Variants in ADAT1 observed in about 807,000 individuals in gnomAD.
The protein encoded by ADAT1 is tRNA-specific adenosine deaminase 1.
A neutral mutation model predicts 58.6 loss-of-function variants in ADAT1; 58 were observed. That is an observed-to-expected ratio of 0.99 (90% CI 0.80 to 1.23). ADAT1 has a LOEUF of 1.23. Ranked by LOEUF, ADAT1 falls within the 50% of genes most tolerant of loss-of-function variation. The pLI, the probability that ADAT1 is intolerant of heterozygous loss-of-function variation, is 0.00. For missense variants in ADAT1, 741 were observed against 608.6 expected (o/e 1.22, Z -2.29); for synonymous variants, 254 against 220.8 (o/e 1.15, Z -1.33).
At position 75,608,902 on chromosome 16, in the gene ADAT1, C is replaced by A. The variant is rs548075294; in HGVS notation, c.1130G>T (p.Arg377Leu). Reference protein sequence around the residue: ...LQSDLLFEQSRSAVQAKRADS... With the variant: ...LQSDLLFEQSLSAVQAKRADS... ...AGCCCTTTTTGCCTGCACCGCACTG[C>A]GGCTCTGTTCAAATAGTAAATCTGA... The change falls in exon 7 of 10, where the codon CGC becomes CTC. Residue 377 changes from arginine (R) to leucine (L), a missense_variant. Coordinates refer to ENST00000564657, the MANE Select transcript of ADAT1 (RefSeq NM_001324445.2). The A allele has an allele frequency of 6.2e-7, 1 of 1,614,216 alleles. No individual in the cohort carries two copies. Among genetic ancestry groups the A allele is most frequent in the South Asian group, 1.1e-5 (1 of 91,080 alleles).
intron 6 of ADAT1, among the ~76,000 whole-genome samples, chr16:75,610,278 T>G (rs1056984610): frequency 6.6e-6 from 1 of 152,192 alleles, no homozygotes; most frequent in Non-Finnish European, 1.5e-5. Flanking sequence ...ATGTACAGGT[T>G]TTTGTTATAT....
chr16:75,612,557 G>T lies in ADAT1; in HGVS notation c.729C>A (p.Val243=), dbSNP rs2081577622. ...TGGCACTACCAGGGGCTATTCTGGT[G>T]ACAGTAGCCAGTCCCTCTACAGTGA... ...CDLTVEGLAT[V]TRIAPGSAKV... is the part of the protein sequence containing the mutation. The change falls in exon 6 of 10, where the codon GTC becomes GTA. Residue 243 remains valine (V), a synonymous_variant. Transcript: ENST00000564657. The T allele has an allele frequency of 6.2e-7, 1 of 1,614,124 alleles. No individual in the cohort carries two copies. Among genetic ancestry groups the T allele is most frequent in the Non-Finnish European group, 8.5e-7 (1 of 1,180,030 alleles).
In ADAT1 at chr16:75,617,286, G is replaced by C. The variant is rs1216115269; in HGVS notation, c.294-14C>G. 2 of 1,609,226 alleles carry C rather than the reference G, an allele frequency of 1.2e-6. No individual in the cohort carries two copies. Among genetic ancestry groups the C allele is most frequent in the African/African-American group, 1.3e-5 (1 of 74,850 alleles). Reference sequence around the variant, plus strand: ...TGGAGAAGGTACCTAAGGGTTGCAAGATGTTATTAGGATGAACAACCGATC... The same window carrying C: ...TGGAGAAGGTACCTAAGGGTTGCAACATGTTATTAGGATGAACAACCGATC... On this transcript the variant is annotated splice_polypyrimidine_tract_variant and intron_variant, in intron 4 of 9. Coordinates refer to ENST00000564657, the MANE Select transcript of ADAT1 (RefSeq NM_001324445.2).
At chr16:75,609,848 C>G (rs1597111094) in intron 6 of ADAT1, among the ~76,000 whole-genome samples, 2 of 152,062 alleles carry the variant, frequency 1.3e-5, no homozygotes, top group African/African-American at 4.8e-5. Context: ...AGACTACAGG[C>G]ATGCACCATC....
chr16:75,599,243 G>A lies in ADAT1; in HGVS notation c.*973C>T, dbSNP rs749042749. 5.3e-5 allele frequency: 44 copies of A among 830,900 alleles called. No homozygotes were observed. The East Asian group carries it at 6.2e-4, about 12-fold the overall frequency. 51.5% of individuals were successfully genotyped at this position (830,900 alleles called of 1,614,324 possible). On this transcript the variant is annotated 3_prime_UTR_variant, in exon 10 of 10. Transcript: ENST00000564657. Reference sequence around the variant, plus strand: ...ATTACAGGTGTGCGCCACCATGCCCGGCTAGTTTTTGCATTTTTAGTAGAG... The same window carrying A: ...ATTACAGGTGTGCGCCACCATGCCCAGCTAGTTTTTGCATTTTTAGTAGAG...
At chr16:75,615,611 C>T (rs981886269) in intron 5 of ADAT1, among the ~76,000 whole-genome samples, 11 of 151,212 alleles carry the variant, frequency 7.3e-5, no homozygotes, top group Admixed American at 2.0e-4. Context: ...CCAGGCAGGC[C>T]GTGGGTTAGA....
intron 5 of ADAT1, among the ~76,000 whole-genome samples, chr16:75,613,348 C>A (rs568504514): frequency 1.3e-5 from 2 of 152,306 alleles, no homozygotes; most frequent in East Asian, 3.9e-4. Flanking sequence ...GTTGCCCAGG[C>A]TGGAGTGCAG....
chr16:75,614,420 C>T (rs2081642735), intron 5 of ADAT1, among the ~76,000 whole-genome samples: 1 of 152,202 alleles, frequency 6.6e-6, no homozygotes, highest in Non-Finnish European at 1.5e-5. Flanking sequence ...ACAGCTCTCC[C>T]TTGAGAAGCG....
rs1318904774 is a variant in ADAT1, at chr16:75,612,649, C to G, written c.637G>C (p.Ala213Pro). The change falls in exon 6 of 10, where the codon GCT (alanine) becomes CCT (proline). Residue 213 changes from alanine to proline, a missense_variant. Coordinates refer to ENST00000564657, the MANE Select transcript of ADAT1 (RefSeq NM_001324445.2). ...TAAREVTNGA[A>P]HHQSFGKQKS... is the part of the protein sequence containing the mutation. ...TGCTTGCCAAAACTCTGATGGTGAG[C>G]TGCTCCGTTGGTGACCTCCCTGGCT... 1 of 1,613,992 alleles carries G rather than the reference C, an allele frequency of 6.2e-7. No homozygotes were observed. The highest frequency in any genetic ancestry group is 1.3e-5 in the African/African-American group (1 of 74,910).
chr16:75,604,472 TATACACACAC>T (rs1286050410), intron 8 of ADAT1, among the ~76,000 whole-genome samples: 1 of 54,342 alleles, frequency 1.8e-5, no homozygotes, highest in Admixed American at 2.8e-4. Context: ...TATATATATA[TATACACACAC>T]ACACACACAC....
intron 3 of ADAT1, 87 bp from the exon 4 acceptor site, chr16:75,618,727 G>T: frequency 6.7e-7 from 1 of 1,500,040 alleles, no homozygotes; most frequent in Non-Finnish European, 9.0e-7. Context: ...AGTCCCACCA[G>T]CACCCAGGAT....
At chr16:75,620,368 G>C (rs779769653) in intron 2 of ADAT1, 34 bp from the exon 3 acceptor site, 3 of 1,607,634 alleles carry the variant, frequency 1.9e-6, no homozygotes, top group East Asian at 2.2e-5. Flanking sequence ...TGAGTTCTGA[G>C]AAACGGAATG....
At chr16:75,610,707 G>A (rs1396637680) in intron 6 of ADAT1, among the ~76,000 whole-genome samples, 1 of 152,264 alleles carries the variant, frequency 6.6e-6, no homozygotes, top group East Asian at 1.9e-4. Flanking sequence ...GCTTGCCCTG[G>A]CCATGGCTTT....
intron 2 of ADAT1, 31 bp downstream of exon 2, chr16:75,620,600 T>TG: frequency 6.2e-7 from 1 of 1,609,388 alleles, no homozygotes; most frequent in Non-Finnish European, 8.5e-7. Flanking sequence ...TCTCTCACAG[T>TG]GAGGAGCATG....
intron 8 of ADAT1, among the ~76,000 whole-genome samples, chr16:75,607,046 T>A (rs1329569082): frequency 6.7e-6 from 1 of 150,170 alleles, no homozygotes; most frequent in Non-Finnish European, 1.5e-5. Flanking sequence ...GCCAACATAG[T>A]GAAACCCCGT....
rs369005710 is a variant in ADAT1, at chr16:75,613,725, C to T, written c.425-864G>A. On this transcript the variant is annotated intron_variant, in intron 5 of 9. Coordinates refer to ENST00000564657, the MANE Select transcript of ADAT1 (RefSeq NM_001324445.2). ...ACTAAATGCCAATAGGACTACCAGTCCCAGTATGAAAATAAAGAATGTCTC... is the reference window on the plus strand; with the variant it reads ...ACTAAATGCCAATAGGACTACCAGTTCCAGTATGAAAATAAAGAATGTCTC... Among the ~76,000 whole-genome samples, 7 of 152,294 alleles carry T rather than the reference C, an allele frequency of 4.6e-5. No homozygotes were observed. In the East Asian group the frequency reaches 5.8e-4, roughly 13 times the overall value.
chr16:75,612,095 T>C, intron 6 of ADAT1, 148 bp downstream of exon 6: 3 of 980,882 alleles, frequency 3.1e-6, no homozygotes, highest in South Asian at 1.8e-5. Flanking sequence ...AGCTAAATGT[T>C]CAAATACTTT....
In ADAT1 at chr16:75,608,976, C is replaced by A; in HGVS notation, c.1056G>T (p.Val352=). The A allele has an allele frequency of 6.2e-7, 1 of 1,614,158 alleles. No individual in the cohort carries two copies. Among genetic ancestry groups the A allele is most frequent in the Non-Finnish European group, 8.5e-7 (1 of 1,180,016 alleles). The change falls in exon 7 of 10, where the codon GTG becomes GTT. Residue 352 remains valine, a synonymous_variant. Coordinates refer to ENST00000564657, the MANE Select transcript of ADAT1 (RefSeq NM_001324445.2). ...QRALIGRCQN[V]SALPKGFGVQ... ...CTCCGAAGCCTTTTGGTAAAGCAGACACATTCTGACACCTAAATACAAGGG... is the reference window on the plus strand; with the variant it reads ...CTCCGAAGCCTTTTGGTAAAGCAGAAACATTCTGACACCTAAATACAAGGG...
At chr16:75,609,289 A>G (rs1289668909) in intron 6 of ADAT1, among the ~76,000 whole-genome samples, 1 of 152,214 alleles carries the variant, frequency 6.6e-6, no homozygotes, top group African/African-American at 2.4e-5. Flanking sequence ...CAGAAACATT[A>G]ATGTGTTGGC....
Sources: gnomAD v4.1 joint callset for allele counts (sites outside exome capture counted in the v4.1 genomes callset) on GRCh38, gnomAD v4.1.1 for gene constraint, MANE v1.5 for transcripts, NCBI Gene and HGNC (gene_info 2026-07-23, HGNC 2026-07-21) for gene names.